Variants in CCDC148 observed in about 807,000 individuals in gnomAD.
The protein encoded by CCDC148 is coiled-coil domain-containing protein 148.
A neutral mutation model predicts 85.7 loss-of-function variants in CCDC148; 89 were observed. The ratio of observed to expected loss-of-function variants is 1.04; its 90% CI spans 0.87 to 1.24. The LOEUF is 1.24. Ranked by LOEUF, CCDC148 falls within the 50% of genes most tolerant of loss-of-function variation. The pLI is 0.00. For missense variants in CCDC148, 692 were observed against 671.7 expected, an observed-to-expected ratio of 1.03 and a Z score of -0.33; for synonymous variants, 230 against 213.9, an observed-to-expected ratio of 1.08 and a Z score of -0.66.
At chr2:158,194,301 G>A (rs1374781107) in intron 11 of CCDC148, among the ~76,000 whole-genome samples, 1 of 152,108 alleles carries the variant, frequency 6.6e-6, no homozygotes, top group Non-Finnish European at 1.5e-5. Context: ...AGTAAAAGGA[G>A]TAGATATTTC....
intron 1 of CCDC148, among the ~76,000 whole-genome samples, chr2:158,362,709 G>C (rs568275493): frequency 6.6e-6 from 1 of 152,250 alleles, no homozygotes; most frequent in Non-Finnish European, 1.5e-5. Context: ...GCCCACAAGA[G>C]AAAGCATGGG....
intron 7 of CCDC148, among the ~76,000 whole-genome samples, chr2:158,336,645 G>T (rs917910001): frequency 6.6e-6 from 1 of 152,126 alleles, no homozygotes; most frequent in Admixed American, 6.6e-5. Context: ...TAAGTGGCAA[G>T]CAGACTATTA....
chr2:158,425,652 C>T (rs1687042348), intron 1 of CCDC148, among the ~76,000 whole-genome samples: 1 of 152,122 alleles, frequency 6.6e-6, no homozygotes. Context: ...ATAATTAAGG[C>T]ACAGTTTGTT....
intron 10 of CCDC148, among the ~76,000 whole-genome samples, chr2:158,233,432 C>A (rs1687950383): frequency 6.6e-6 from 1 of 150,938 alleles, no homozygotes; most frequent in Non-Finnish European, 1.5e-5. Context: ...GTTTTTACAA[C>A]TTTGTGTGAA....
intron 9 of CCDC148, among the ~76,000 whole-genome samples, chr2:158,262,337 A>G (rs1458537155): frequency 6.6e-6 from 1 of 152,028 alleles, no homozygotes; most frequent in African/African-American, 2.4e-5. Flanking sequence ...AGAAGGGAAC[A>G]ACAGACAATG....
intron 7 of CCDC148, among the ~76,000 whole-genome samples, chr2:158,318,775 TG>T (rs67349642): frequency 0.31 from 46,541 of 150,978 alleles, 7,198 homozygotes; most frequent in Middle Eastern, 0.4. Context: ...AGCCTTTTAC[TG>T]TTTTTTTTTT....
chr2:158,217,419 T>C (rs113885568), intron 11 of CCDC148, among the ~76,000 whole-genome samples: 3,861 of 148,474 alleles, frequency 0.026, 69 homozygotes, highest in Middle Eastern at 0.043. Flanking sequence ...TTTCATTTTT[T>C]TGAGATGGCG....
intron 1 of CCDC148, among the ~76,000 whole-genome samples, chr2:158,413,706 T>C (rs1686368553): frequency 6.6e-6 from 1 of 152,154 alleles, no homozygotes; most frequent in South Asian, 2.1e-4. Context: ...TCCGTCTCTG[T>C]TGTAATTATT....
At chr2:158,354,842 A>C (rs1194063151) in intron 2 of CCDC148, among the ~76,000 whole-genome samples, 1 of 151,456 alleles carries the variant, frequency 6.6e-6, no homozygotes, top group Non-Finnish European at 1.5e-5. Context: ...AAATACTGGC[A>C]AAACGAATCC....
At chr2:158,363,254 A>G (rs758986975) in intron 1 of CCDC148, among the ~76,000 whole-genome samples, 1 of 152,214 alleles carries the variant, frequency 6.6e-6, no homozygotes, top group Non-Finnish European at 1.5e-5. Context: ...TGCTGGTACC[A>G]TTCCTTCTGA....
chr2:158,284,474 A>C lies in CCDC148; in HGVS notation c.1110+24959T>G, dbSNP rs143266945. ...GAAATTTGGATAGCTACTCCAAATC[A>C]GAGATTCTTTTGTGAAAAACTGAGG... On this transcript the variant is annotated intron_variant, in intron 9 of 13. Coordinates refer to ENST00000283233, the MANE Select transcript of CCDC148 (RefSeq NM_138803.4). Among the ~76,000 whole-genome samples the C allele has an allele frequency of 1.9e-4, 29 of 152,332 alleles. 1 individual carries two copies. In the East Asian group the frequency reaches 4.8e-3, roughly 25 times the overall value.
At chr2:158,224,167 T>G (rs1007959727) in intron 10 of CCDC148, among the ~76,000 whole-genome samples, 1 of 152,084 alleles carries the variant, frequency 6.6e-6, no homozygotes, top group African/African-American at 2.4e-5. Context: ...AACTACGTGA[T>G]GAATGCACAA....
At chr2:158,400,253 A>C (rs1033114515) in intron 1 of CCDC148, among the ~76,000 whole-genome samples, 4 of 152,016 alleles carry the variant, frequency 2.6e-5, no homozygotes, top group East Asian at 1.9e-4. Context: ...ATAGCCAAGA[A>C]AATCCTAAGC....
intron 1 of CCDC148, among the ~76,000 whole-genome samples, chr2:158,436,265 A>G (rs1687646604): frequency 6.6e-6 from 1 of 152,224 alleles, no homozygotes; most frequent in African/African-American, 2.4e-5. Flanking sequence ...AACAGAAATT[A>G]TAACAAACTG....
chr2:158,190,581 T>A (rs1558968796), intron 11 of CCDC148, among the ~76,000 whole-genome samples: 1 of 151,996 alleles, frequency 6.6e-6, no homozygotes, highest in Non-Finnish European at 1.5e-5. Context: ...TTGGGTAATT[T>A]GCACAGTGAC....
chr2:158,406,979 C>T (rs1305265470), intron 1 of CCDC148, among the ~76,000 whole-genome samples: 1 of 152,036 alleles, frequency 6.6e-6, no homozygotes, highest in Non-Finnish European at 1.5e-5. Flanking sequence ...TAGATTAATA[C>T]AAGTGTGGCT....
intron 1 of CCDC148, among the ~76,000 whole-genome samples, chr2:158,398,006 A>G (rs1000165546): frequency 1.1e-4 from 16 of 152,232 alleles, no homozygotes; most frequent in African/African-American, 3.9e-4. Context: ...ATTTTAAACC[A>G]ACAAAGATCA....
intron 1 of CCDC148, among the ~76,000 whole-genome samples, chr2:158,413,527 A>G (rs948784050): frequency 2.0e-5 from 3 of 152,162 alleles, no homozygotes; most frequent in African/African-American, 4.8e-5. Flanking sequence ...GTTAGCTACT[A>G]AGGATAAAGT....
At chr2:158,313,565 G>C (rs904709581) in intron 8 of CCDC148, among the ~76,000 whole-genome samples, 191 bp downstream of exon 8, 3 of 152,172 alleles carry the variant, frequency 2.0e-5, no homozygotes, top group Non-Finnish European at 4.4e-5. Flanking sequence ...CCCCCACCTC[G>C]TTATGGACAG....
Sources: allele counts gnomAD v4.1 joint callset (sites outside exome capture counted in the v4.1 genomes callset), GRCh38; gene constraint gnomAD v4.1.1; transcripts MANE v1.5; gene names NCBI Gene and HGNC (gene_info 2026-07-23, HGNC 2026-07-21).